TAF2: variants seen among roughly 807,000 people sequenced by gnomAD.
TAF2 encodes transcription initiation factor TFIID subunit 2.
A neutral mutation model predicts 138.5 loss-of-function variants in TAF2; 61 were observed. That is an observed-to-expected ratio of 0.44 (90% CI 0.36 to 0.54). The LOEUF (loss-of-function observed/expected upper bound fraction) is 0.54, where lower values mean the gene tolerates loss of function less well. TAF2 is among the 20% of genes least tolerant of loss of function. The pLI is 0.00. For missense variants in TAF2, 1,090 were observed against 1,427.9 expected (o/e 0.76, Z 3.81); for synonymous variants, 475 against 469.9 (o/e 1.01, Z -0.14).
chr8:119,755,277 C>T (rs545470221), intron 22 of TAF2, among the ~76,000 whole-genome samples: 2 of 152,048 alleles, frequency 1.3e-5, no homozygotes, highest in Non-Finnish European at 2.9e-5. Context: ...AAGGCCAAGG[C>T]GGGTGGATCA....
At chr8:119,802,398 A>G (rs1053596483) in intron 5 of TAF2, among the ~76,000 whole-genome samples, 1 of 152,260 alleles carries the variant, frequency 6.6e-6, no homozygotes, top group Non-Finnish European at 1.5e-5. Flanking sequence ...TTTATAAAGC[A>G]TAACTAACAT....
chr8:119,747,438 A>T (rs1366069377), intron 22 of TAF2, among the ~76,000 whole-genome samples: 1 of 152,230 alleles, frequency 6.6e-6, no homozygotes, highest in Non-Finnish European at 1.5e-5. Flanking sequence ...AGCAAACCAC[A>T]AGCATGACAA....
intron 25 of TAF2, among the ~76,000 whole-genome samples, chr8:119,742,188 ATAT>A: frequency 6.6e-6 from 1 of 152,198 alleles, no homozygotes; most frequent in East Asian, 1.9e-4. Context: ...ATTTGTCATA[ATAT>A]TCTTAGAAAA....
chr8:119,773,346 A>C (rs1447613869), intron 18 of TAF2, among the ~76,000 whole-genome samples: 1 of 151,572 alleles, frequency 6.6e-6, no homozygotes, highest in Non-Finnish European at 1.5e-5. Flanking sequence ...AAGTTGATAT[A>C]CTTTCCATAA....
chr8:119,818,236 G>C (rs1825601377), intron 3 of TAF2, among the ~76,000 whole-genome samples: 1 of 152,230 alleles, frequency 6.6e-6, no homozygotes, highest in African/African-American at 2.4e-5. Flanking sequence ...CACAATTTCT[G>C]ATTCAGTGGG....
At chr8:119,810,830 TATTA>T (rs1413712675) in intron 3 of TAF2, among the ~76,000 whole-genome samples, 1 of 152,200 alleles carries the variant, frequency 6.6e-6, no homozygotes, top group Non-Finnish European at 1.5e-5. Flanking sequence ...AAACATTACA[TATTA>T]ATTAGTTTTT....
At chr8:119,754,829 G>A (rs1384994692) in intron 22 of TAF2, among the ~76,000 whole-genome samples, 2 of 151,962 alleles carry the variant, frequency 1.3e-5, no homozygotes, top group African/African-American at 4.8e-5. Flanking sequence ...ACAGACATAA[G>A]GCAAATTTTC....
chr8:119,785,320 G>T, intron 14 of TAF2, 54 bp from the exon 15 acceptor site: 1 of 1,213,422 alleles, frequency 8.2e-7, no homozygotes, highest in South Asian at 1.2e-5. Context: ...ATTCTGAATG[G>T]ACATTAACAG....
Position 119,789,660 on chromosome 8 carries a change from T to C in TAF2, c.1500A>G (p.Thr500=), listed in dbSNP as rs773225237. 4.3e-6 allele frequency: 7 copies of C among 1,613,802 alleles called. No homozygotes were observed. The African/African-American group carries it at 8.0e-5, about 18-fold the overall frequency. ...TTGAAATGGATTTCAAAAACCCAGA[T>C]GTGGAAACCAACATCTGACTCCACA... is the stretch of plus-strand genomic sequence containing the variant. ...SHMWSQMLVS[T]SGFLKSISNV... is the part of the protein sequence containing the mutation. Residue 500 remains threonine (T), a synonymous_variant, in exon 12 of 26, where the codon ACA becomes ACG. Coordinates refer to ENST00000378164, the MANE Select transcript of TAF2 (RefSeq NM_003184.4).
intron 22 of TAF2, among the ~76,000 whole-genome samples, chr8:119,747,581 T>G (rs1820062944): frequency 6.6e-6 from 1 of 152,146 alleles, no homozygotes; most frequent in South Asian, 2.1e-4. Flanking sequence ...AATAGGAGTT[T>G]TGGTCTCAAG....
At chr8:119,791,542 T>C (rs756688361) in intron 10 of TAF2, 83 bp from the exon 11 acceptor site, 6 of 1,494,862 alleles carry the variant, frequency 4.0e-6, no homozygotes, top group Non-Finnish European at 5.4e-6. Flanking sequence ...ATCAAGAAAA[T>C]ACCCAAAAAA....
At chr8:119,818,848 A>T (rs1275171999) in intron 3 of TAF2, among the ~76,000 whole-genome samples, 1 of 152,164 alleles carries the variant, frequency 6.6e-6, no homozygotes, top group Non-Finnish European at 1.5e-5. Context: ...AAAAATCAGA[A>T]GTAGCCTCAA....
rs774609880 is a variant in TAF2 at position 119,762,442 on chromosome 8, GGAA to G, written c.2528_2530del (p.Leu843del). 5.6e-6 allele frequency: 9 copies of G among 1,613,654 alleles called. No individual in the cohort carries two copies. The highest frequency in any genetic ancestry group is 8.5e-7 in the Non-Finnish European group (1 of 1,179,862). On this transcript the variant is annotated inframe_deletion, in exon 19 of 26. Coordinates refer to ENST00000378164, the MANE Select transcript of TAF2 (RefSeq NM_003184.4). ...GACAGTGATGGTATGCCTGTAACTC[GGAA>G]GAAGTTTTTCCATATTCAAAAATCT... is the stretch of plus-strand genomic sequence containing the variant.
Position 119,762,476 on chromosome 8 carries a change from T to C in TAF2, c.2497A>G (p.Ile833Val), listed in dbSNP as rs755427733. 2 of 1,614,034 alleles carry C rather than the reference T, an allele frequency of 1.2e-6. No homozygotes were observed. Among genetic ancestry groups the C allele is most frequent in the Non-Finnish European group, 1.7e-6 (2 of 1,179,958 alleles). ...NPDVRLILEEITRFLNMEKLL... is the reference protein window; with the variant it reads ...NPDVRLILEEVTRFLNMEKLL... The stretch of plus-strand genomic sequence containing the variant: ...TTTTCCATATTCAAAAATCTGGTGA[T>C]TTCTTCAAGAATGAGTCGCACATCA... The change falls in exon 19 of 26, where the codon ATC becomes GTC. Residue 833 changes from isoleucine to valine, a missense_variant. Ile to Val is a conservative substitution (Grantham distance 29). Coordinates refer to ENST00000378164, the MANE Select transcript of TAF2 (RefSeq NM_003184.4).
rs1051847073 is a variant in TAF2 at position 119,801,009 on chromosome 8, T to C, written c.792+785A>G. On this transcript the variant is annotated intron_variant, in intron 6 of 25. Transcript: ENST00000378164. ...TTGATAAATGAATTGTGATAAGATATGTGCTGGGAAGAAACTAGAAGTCTT... is the reference window on the plus strand; with the variant it reads ...TTGATAAATGAATTGTGATAAGATACGTGCTGGGAAGAAACTAGAAGTCTT... Among the ~76,000 whole-genome samples, 5 of 152,310 alleles carry C rather than the reference T, an allele frequency of 3.3e-5. No homozygotes were observed. The East Asian group carries it at 7.7e-4, about 24-fold the overall frequency.
intron 21 of TAF2, 88 bp downstream of exon 21, chr8:119,757,985 A>C: frequency 9.1e-7 from 1 of 1,103,900 alleles, no homozygotes; most frequent in Non-Finnish European, 1.4e-6. Context: ...TTCAAAAATC[A>C]TAAACAAGCA....
At position 119,762,400 on chromosome 8, in the gene TAF2, G is replaced by C; in HGVS notation, c.2558+15C>G. 6.2e-7 allele frequency: 1 copy of C among 1,611,330 alleles called. No individual in the cohort carries two copies. Among genetic ancestry groups the C allele is most frequent in the East Asian group, 2.2e-5 (1 of 44,780 alleles). ...ATAAGAACATATAACTTTAAAGTAA[G>C]GAATTTAATCATACCTGACAGTGAT... On this transcript the variant is annotated intron_variant, in intron 19 of 25. Coordinates refer to ENST00000378164, the MANE Select transcript of TAF2 (RefSeq NM_003184.4).
intron 18 of TAF2, among the ~76,000 whole-genome samples, chr8:119,766,279 A>G (rs747880626): frequency 6.6e-6 from 1 of 152,198 alleles, no homozygotes; most frequent in Non-Finnish European, 1.5e-5. Flanking sequence ...TCTGGATATC[A>G]TAACTGAGGT....
intron 21 of TAF2, among the ~76,000 whole-genome samples, chr8:119,756,601 C>T: frequency 6.6e-6 from 1 of 152,184 alleles, no homozygotes; most frequent in South Asian, 2.1e-4. Flanking sequence ...ACATATATGT[C>T]ATTACTGTAT....
Sources: allele counts gnomAD v4.1 joint callset (sites outside exome capture counted in the v4.1 genomes callset), GRCh38; gene constraint gnomAD v4.1.1; transcripts MANE v1.5; gene names NCBI Gene and HGNC (gene_info 2026-07-23, HGNC 2026-07-21).